Variants in SHC4 observed in about 807,000 individuals in gnomAD.
SHC4 encodes SHC adaptor protein 4, also known as SHC-transforming protein 4.
SHC4 carries 41 observed loss-of-function variants against 69.4 expected under a neutral mutation model. That is an observed-to-expected ratio of 0.59 (90% CI 0.46 to 0.77). SHC4 has a LOEUF of 0.77. Among genes scored for constraint, SHC4 ranks in the 30% least tolerant of loss-of-function variants. The pLI, the probability that SHC4 is intolerant of heterozygous loss-of-function variation, is 0.00. For missense variants in SHC4, 777 were observed against 783.8 expected (o/e 0.99, Z 0.10); for synonymous variants, 318 against 299.3 (o/e 1.06, Z -0.64).
intron 1 of SHC4, among the ~76,000 whole-genome samples, chr15:48,955,434 A>G (rs554142029): frequency 3.9e-5 from 6 of 152,026 alleles, no homozygotes; most frequent in Non-Finnish European, 5.9e-5. Context: ...ATATGATAAC[A>G]CCGTATTGGC....
intron 8 of SHC4, among the ~76,000 whole-genome samples, chr15:48,851,673 G>A (rs910042112): frequency 3.3e-5 from 5 of 152,174 alleles, no homozygotes; most frequent in African/African-American, 4.8e-5. Flanking sequence ...CCAGGCTCAC[G>A]TCTCACCCTT....
chr15:48,867,973 G>A, intron 5 of SHC4, 104 bp from the exon 6 acceptor site: 1 of 878,686 alleles, frequency 1.1e-6, no homozygotes, highest in Non-Finnish European at 1.8e-6. Context: ...AAATACAAAT[G>A]TTTTTTATTT....
intron 4 of SHC4, among the ~76,000 whole-genome samples, chr15:48,882,367 C>A (rs1283483152): frequency 1.3e-5 from 2 of 152,154 alleles, no homozygotes; most frequent in Non-Finnish European, 2.9e-5. Flanking sequence ...GGGCTGAATA[C>A]AACCCATTCC....
chr15:48,931,979 T>A (rs1900974548), intron 1 of SHC4, among the ~76,000 whole-genome samples: 1 of 151,890 alleles, frequency 6.6e-6, no homozygotes, highest in Non-Finnish European at 1.5e-5. Context: ...ATTCTGACAA[T>A]TGATCATCCA....
chr15:48,904,910 A>T (rs1210103153), intron 2 of SHC4, among the ~76,000 whole-genome samples: 1 of 145,338 alleles, frequency 6.9e-6, no homozygotes, highest in Non-Finnish European at 1.5e-5. Flanking sequence ...TAAACACGAC[A>T]CACACGCACA....
intron 1 of SHC4, among the ~76,000 whole-genome samples, chr15:48,927,532 G>A (rs946519935): frequency 6.6e-5 from 10 of 152,082 alleles, no homozygotes; most frequent in African/African-American, 1.2e-4. Flanking sequence ...ATATCAGATC[G>A]TGTTCCTCCA....
At chr15:48,871,586 C>T (rs1041425399) in intron 5 of SHC4, among the ~76,000 whole-genome samples, 4 of 152,180 alleles carry the variant, frequency 2.6e-5, no homozygotes, top group Non-Finnish European at 5.9e-5. Context: ...TAGAGAAGAA[C>T]TACAAGTTCT....
intron 1 of SHC4, among the ~76,000 whole-genome samples, chr15:48,932,049 T>C (rs1252488386): frequency 1.3e-5 from 2 of 152,142 alleles, no homozygotes; most frequent in East Asian, 3.9e-4. Flanking sequence ...CTGAGTTTTA[T>C]TCTACTGTTG....
At chr15:48,849,379 G>C (rs1269498459) in intron 9 of SHC4, among the ~76,000 whole-genome samples, 2 of 151,942 alleles carry the variant, frequency 1.3e-5, no homozygotes, top group Admixed American at 1.3e-4. Context: ...ATTAAGTTAG[G>C]TTTCCCCATT....
At chr15:48,866,418 T>C (rs1011507773) in intron 6 of SHC4, among the ~76,000 whole-genome samples, 4 of 152,236 alleles carry the variant, frequency 2.6e-5, no homozygotes, top group Non-Finnish European at 5.9e-5. Flanking sequence ...AAACATTTGC[T>C]GAGGATCTAC....
intron 2 of SHC4, among the ~76,000 whole-genome samples, chr15:48,906,923 C>T (rs746879762): frequency 2.0e-5 from 3 of 152,176 alleles, no homozygotes; most frequent in Non-Finnish European, 4.4e-5. Context: ...CAATGACCTA[C>T]AAAATGTGCC....
At chr15:48,962,125 G>A (rs1901554790) in intron 1 of SHC4, among the ~76,000 whole-genome samples, 2 of 152,176 alleles carry the variant, frequency 1.3e-5, no homozygotes, top group South Asian at 4.2e-4. Context: ...GGTCCAGCGG[G>A]GACAAAGTGG....
At chr15:48,839,985 G>A (rs964938327) in intron 10 of SHC4, among the ~76,000 whole-genome samples, 6 of 152,178 alleles carry the variant, frequency 3.9e-5, no homozygotes, top group South Asian at 2.1e-4. Context: ...TCTGCCAATC[G>A]CAGGTGAAAA....
At chr15:48,938,598 T>A (rs964068310) in intron 1 of SHC4, among the ~76,000 whole-genome samples, 3 of 152,178 alleles carry the variant, frequency 2.0e-5, no homozygotes, top group African/African-American at 7.2e-5. Flanking sequence ...ATGATATCAC[T>A]GTGGGAGTGA....
At chr15:48,950,095 A>G (rs1901342521) in intron 1 of SHC4, among the ~76,000 whole-genome samples, 1 of 143,788 alleles carries the variant, frequency 7.0e-6, no homozygotes. Flanking sequence ...ATATTTTTAT[A>G]ATATAGTAAA....
chr15:48,956,877 C>T (rs1029500493), intron 1 of SHC4, among the ~76,000 whole-genome samples: 1 of 151,898 alleles, frequency 6.6e-6, no homozygotes, highest in Non-Finnish European at 1.5e-5. Context: ...GGGTTTCAAA[C>T]AGGTAGGAAA....
chr15:48,825,998 A>T lies in SHC4; in HGVS notation c.1866T>A (p.Asn622Lys), dbSNP rs1196151925. ...ATTTGTTGGAATGCAAAAGTGCTGG[A>T]TTATTATCTTTTCTCACTGGTTGTT... ...SLKQPVRKDN[N>K]PALLHSNK Residue 622 changes from asparagine to lysine, a missense_variant, in exon 12 of 12, where the codon AAT (asparagine) becomes AAA (lysine). By Grantham distance (94) the Asn-to-Lys change is moderately conservative. Coordinates refer to ENST00000332408, the MANE Select transcript of SHC4 (RefSeq NM_203349.4). The T allele has an allele frequency of 6.2e-7, 1 of 1,613,784 alleles. No individual in the cohort carries two copies. Among genetic ancestry groups the T allele is most frequent in the East Asian group, 2.2e-5 (1 of 44,824 alleles).
chr15:48,890,835 T>C, intron 2 of SHC4, 24 bp from the exon 3 acceptor site: 1 of 1,613,432 alleles, frequency 6.2e-7, no homozygotes, highest in Non-Finnish European at 8.5e-7. Context: ...ACCATATAAA[T>C]AAAGACTTAG....
chr15:48,878,408 G>C (rs761502658), intron 4 of SHC4: 3 of 1,611,842 alleles, frequency 1.9e-6, no homozygotes, highest in East Asian at 2.2e-5. Context: ...CCTTGCTAAC[G>C]GGCCCAACGC....
Sources: gnomAD v4.1 joint callset for allele counts (sites outside exome capture counted in the v4.1 genomes callset) on GRCh38, gnomAD v4.1.1 for gene constraint, MANE v1.5 for transcripts, NCBI Gene and HGNC (gene_info 2026-07-23, HGNC 2026-07-21) for gene names.